Variants in RSPH14 observed in about 807,000 individuals in gnomAD.
The protein encoded by RSPH14 is rhabdoid tumor deletion region gene 1.
RSPH14 carries 20 observed loss-of-function variants against 26.7 expected under a neutral mutation model. The observed-to-expected ratio is 0.75, with a 90% CI of 0.53 to 1.09. The LOEUF (loss-of-function observed/expected upper bound fraction) is 1.09, where lower values mean the gene tolerates loss of function less well. RSPH14 is among the 50% of genes least tolerant of loss of function. The probability of loss-of-function intolerance (pLI) is 0.00; values close to 1 mark genes in which losing one functional copy is unlikely to be tolerated. For synonymous variants in RSPH14, 177 were observed against 189.3 expected (o/e 0.93, Z 0.53); for missense variants, 449 against 457.2 (o/e 0.98, Z 0.16).
rs1345202697 is a variant in RSPH14, at chr22:23,097,127, G to A, written c.422-32994C>T. On this transcript the variant is annotated intron_variant, in intron 4 of 6. Coordinates refer to ENST00000216036, the MANE Select transcript of RSPH14 (RefSeq NM_014433.3). ...TGTCTTGCCCAGCAGGATTCCCTGAGCACAGATTTCAAGTCTGCCCTTAAG... is the reference window on the plus strand; with the variant it reads ...TGTCTTGCCCAGCAGGATTCCCTGAACACAGATTTCAAGTCTGCCCTTAAG... Among the ~76,000 whole-genome samples, 6 of 152,186 alleles carry A rather than the reference G, an allele frequency of 3.9e-5. No individual in the cohort carries two copies. In the East Asian group the frequency reaches 9.6e-4, roughly 24 times the overall value.
At chr22:23,094,590 C>A (rs5751584) in intron 4 of RSPH14, among the ~76,000 whole-genome samples, 2 of 152,228 alleles carry the variant, frequency 1.3e-5, no homozygotes, top group African/African-American at 4.8e-5. Context: ...CTACCTCCTT[C>A]TGCAGGAGTG....
chr22:23,162,935 G>A, the RSPH14 span: 1 of 342,104 alleles, frequency 2.9e-6, no homozygotes, highest in Non-Finnish European at 5.7e-6. Flanking sequence ...TTTTGAGATG[G>A]AGTTTCACCC....
rs1455310975 is a variant in RSPH14, at chr22:23,138,748, A to C, written c.302+92T>G. 3.0e-6 allele frequency: 3 copies of C among 1,014,578 alleles called. 1 individual carries two copies. The highest frequency in any genetic ancestry group is 3.1e-5 in the South Asian group (2 of 65,468). The allele number at this position is 1,014,578 out of a possible 1,614,324, so 62.8% of individuals were successfully genotyped here. Reference sequence around the variant, plus strand: ...TGCAAAAACTGATGCGGCAGACAACACTCCAGAGCACTCTAAGCAGCTCAA... The same window carrying C: ...TGCAAAAACTGATGCGGCAGACAACCCTCCAGAGCACTCTAAGCAGCTCAA... On this transcript the variant is annotated intron_variant, in intron 3 of 6. Transcript: ENST00000216036.
At chr22:23,180,411 C>G in the RSPH14 span, 1 of 170,620 alleles carries the variant, frequency 5.9e-6, no homozygotes, top group African/African-American at 2.4e-5. Context: ...CAGGGGGCCC[C>G]CCCGCCCTGT....
chr22:23,089,707 G>A (rs1462588887), intron 4 of RSPH14, among the ~76,000 whole-genome samples: 2 of 152,188 alleles, frequency 1.3e-5, no homozygotes, highest in South Asian at 4.1e-4. Flanking sequence ...GGTCTTGAGG[G>A]GGATGTCCAT....
intron 4 of RSPH14, among the ~76,000 whole-genome samples, chr22:23,095,006 C>T (rs1447280309): frequency 6.6e-6 from 1 of 152,208 alleles, no homozygotes; most frequent in Non-Finnish European, 1.5e-5. Flanking sequence ...CTCGCACACA[C>T]CCTCCTCTCC....
At position 23,112,053 on chromosome 22, in the gene RSPH14, A is replaced by C. The variant is rs535084689; in HGVS notation, c.421+21973T>G. Among the ~76,000 whole-genome samples the C allele has an allele frequency of 1.8e-4, 27 of 152,196 alleles. 1 individual carries two copies. The highest frequency in any genetic ancestry group is 3.3e-4 in the Admixed American group (5 of 15,286). ...CTGGAGCCTTGGGGGTAACCAGGAAAGGACAGGCACTGCCCCTGGCATTCA... is the reference window on the plus strand; with the variant it reads ...CTGGAGCCTTGGGGGTAACCAGGAACGGACAGGCACTGCCCCTGGCATTCA... On this transcript the variant is annotated intron_variant, in intron 4 of 6. Coordinates refer to ENST00000216036, the MANE Select transcript of RSPH14 (RefSeq NM_014433.3).
In RSPH14 at chr22:23,059,643, C is replaced by T. The variant is rs758268674; in HGVS notation, c.866G>A (p.Arg289His). 8.7e-6 allele frequency: 14 copies of T among 1,605,780 alleles called. No homozygotes were observed. Among genetic ancestry groups the T allele is most frequent in the Admixed American group, 3.4e-5 (2 of 58,608 alleles). ...ELLHSPMTIA[R>H]LNATKALTML... The stretch of plus-strand genomic sequence containing the variant: ...GGTAAGGGCCTTGGTGGCATTCAGG[C>T]GCGCTATGGTCATGGGGGAGTGCAG... Residue 289 changes from arginine to histidine, a missense_variant, in exon 7 of 7, where the codon CGC becomes CAC. Arg to His is a conservative substitution (Grantham distance 29, BLOSUM62 0). Coordinates refer to ENST00000216036, the MANE Select transcript of RSPH14 (RefSeq NM_014433.3).
chr22:23,162,914 CT>C, the RSPH14 span: 13,402 of 297,210 alleles, frequency 0.045, no homozygotes, highest in South Asian at 0.059. Context: ...ATATAAATGA[CT>C]TTTTTTTTTT....
At chr22:23,149,834 C>T (rs2070999915), upstream of RSPH14, among the ~76,000 whole-genome samples, 1 of 152,232 alleles carries the variant, frequency 6.6e-6, no homozygotes, top group Non-Finnish European at 1.5e-5. Flanking sequence ...AGACACAGAT[C>T]TCCAAGTCCC....
the RSPH14 span, among the ~76,000 whole-genome samples, chr22:23,165,580 A>C: frequency 1.3e-5 from 2 of 152,350 alleles, no homozygotes; most frequent in South Asian, 4.1e-4. Flanking sequence ...CGGGCAGAAA[A>C]ATGTTTGTGC....
intron 4 of RSPH14, among the ~76,000 whole-genome samples, chr22:23,128,714 G>A (rs2070241213): frequency 6.6e-6 from 1 of 152,194 alleles, no homozygotes; most frequent in Non-Finnish European, 1.5e-5. Flanking sequence ...CTGAGGCACG[G>A]TGGCCAGAAC....
the RSPH14 span, chr22:23,156,112 T>C: frequency 2.6e-6 from 3 of 1,137,998 alleles, no homozygotes; most frequent in African/African-American, 3.1e-5. Context: ...AATCCCGAGT[T>C]CTCTGCACAG....
chr22:23,142,123 G>A, upstream of RSPH14: 1 of 760,938 alleles, frequency 1.3e-6, no homozygotes, highest in Non-Finnish European at 1.6e-6. Context: ...CTGCAAAGCG[G>A]GAACAATCAT....
chr22:23,157,178 G>A, the RSPH14 span, among the ~76,000 whole-genome samples: 1 of 152,068 alleles, frequency 6.6e-6, no homozygotes, highest in Non-Finnish European at 1.5e-5. Flanking sequence ...AAGTTGTTTC[G>A]CTAAAGCAGG....
In RSPH14 at chr22:23,138,251, T is replaced by G. The variant is rs558184867; in HGVS notation, c.302+589A>C. 3.3e-4 allele frequency among the ~76,000 whole-genome samples: 50 copies of G among 152,304 alleles called. No individual in the cohort carries two copies. The South Asian group carries it at 9.1e-3, about 28-fold the overall frequency. On this transcript the variant is annotated intron_variant, in intron 3 of 6. Transcript: ENST00000216036. ...ATTGTTGCAGAAGTAAGATCTGAAC[T>G]TTCTTCCCACCTTGAAAGTGGGAAG...
rs752057201 is a variant in RSPH14 at position 23,140,368 on chromosome 22, TG to T, written c.52del (p.Gln18ArgfsTer14). 2.5e-6 allele frequency: 4 copies of T among 1,614,224 alleles called. No individual in the cohort carries two copies. The South Asian group carries it at 4.4e-5, about 18-fold the overall frequency. Reference protein sequence around the residue: ...LELPININATQITTAYGHRAL... With the variant: ...LELPININATXITTAYGHRAL... ...CCGATGGCCATAGGCAGTGGTAATCTGGGTGGCATTGATGTTAATGGGAAGC... is the reference window on the plus strand; with the variant it reads ...CCGATGGCCATAGGCAGTGGTAATCTGGTGGCATTGATGTTAATGGGAAGC... On this transcript the variant is annotated frameshift_variant, in exon 2 of 7. Coordinates refer to ENST00000216036, the MANE Select transcript of RSPH14 (RefSeq NM_014433.3). LOFTEE classifies it high-confidence loss of function.
At chr22:23,084,057 C>T (rs1313867068) in intron 4 of RSPH14, among the ~76,000 whole-genome samples, 1 of 152,162 alleles carries the variant, frequency 6.6e-6, no homozygotes, top group Admixed American at 6.5e-5. Context: ...GTGAGCTATG[C>T]AGGCGATCTT....
At chr22:23,180,526 C>A in the RSPH14 span, 1 of 181,948 alleles carries the variant, frequency 5.5e-6, no homozygotes, top group East Asian at 1.3e-4. Flanking sequence ...GCGGGCCGGG[C>A]GGGAGTGCGG....
Sources: allele counts gnomAD v4.1 joint callset (sites outside exome capture counted in the v4.1 genomes callset), GRCh38; gene constraint gnomAD v4.1.1; transcripts MANE v1.5; gene names NCBI Gene and HGNC (gene_info 2026-07-23, HGNC 2026-07-21).